The following PCDHA12 variants were observed in gnomAD, a reference collection of about 807,000 sequenced individuals.
The protein encoded by PCDHA12 is protocadherin alpha 12.
In PCDHA12, 44 loss-of-function variants were observed where a neutral mutation model predicts 60.0. That is an observed-to-expected ratio of 0.73 (90% confidence interval 0.58 to 0.94). The LOEUF is 0.94. Ranked by LOEUF, PCDHA12 falls within the 40% of genes least tolerant of loss-of-function variation. The pLI is 0.00. For synonymous variants in PCDHA12, 569 were observed against 553.0 expected (o/e 1.03, Z -0.40); for missense variants, 1,276 against 1,239.7 (o/e 1.03, Z -0.44).
At chr5:140,937,329 G>T (rs1406340473) in intron 1 of PCDHA12, among the ~76,000 whole-genome samples, 1 of 152,050 alleles carries the variant, frequency 6.6e-6, no homozygotes, top group Admixed American at 6.5e-5. Flanking sequence ...GAGCCACCGC[G>T]CCCGGCTTCT....
rs116104145 is a variant in PCDHA12, at chr5:140,901,150, A to G, written c.2367+23311A>G. Among the ~76,000 whole-genome samples, 839 of 152,012 alleles carry G rather than the reference A, an allele frequency of 5.5e-3. 12 individuals carry two copies. Among genetic ancestry groups the G allele is most frequent in the African/African-American group, 0.019 (783 of 41,484 alleles). On this transcript the variant is annotated intron_variant, in intron 1 of 3. Transcript: ENST00000398631. ...GGTAGATTGTAAATATTTTCTCTCA[A>G]TCTGTGGGTTGTCTCTTCACTTTGT...
At chr5:140,900,477 A>G (rs2068076560) in intron 1 of PCDHA12, among the ~76,000 whole-genome samples, 1 of 152,290 alleles carries the variant, frequency 6.6e-6, no homozygotes, top group Non-Finnish European at 1.5e-5. Flanking sequence ...GAGTTTCTCC[A>G]TGTTGGTCAG....
chr5:140,918,895 A>G (rs1319042193), intron 1 of PCDHA12, among the ~76,000 whole-genome samples: 2 of 152,206 alleles, frequency 1.3e-5, no homozygotes, highest in East Asian at 3.9e-4. Flanking sequence ...TGAAAAATAA[A>G]TCTCTCTTGT....
At chr5:140,954,919 C>A (rs246021) in intron 1 of PCDHA12, among the ~76,000 whole-genome samples, 85,722 of 151,952 alleles carry the variant, frequency 0.56, 24,790 homozygotes, top group African/African-American at 0.69. Flanking sequence ...TTATGAATTA[C>A]GTCTTTAATT....
chr5:140,965,259 A>G (rs1257686866), intron 1 of PCDHA12, among the ~76,000 whole-genome samples: 1 of 152,218 alleles, frequency 6.6e-6, no homozygotes, highest in African/African-American at 2.4e-5. Context: ...AGAACTGAGC[A>G]GCAGAGGCAA....
chr5:140,987,462 A>C (rs2097255249), intron 3 of PCDHA12, among the ~76,000 whole-genome samples: 1 of 152,154 alleles, frequency 6.6e-6, no homozygotes, highest in African/African-American at 2.4e-5. Flanking sequence ...AATTGTTAAG[A>C]GCTCAAGCTT....
At chr5:140,941,214 C>CTTTCTTTCTTTCTTTCTTT (rs1554214039) in intron 1 of PCDHA12, among the ~76,000 whole-genome samples, 2,124 of 122,372 alleles carry the variant, frequency 0.017, 57 homozygotes, top group East Asian at 0.032. Flanking sequence ...TTTCTTTCTT[C>CTTTCTTTCTTTCTTTCTTT]CTTTCTTTCT....
intron 1 of PCDHA12, among the ~76,000 whole-genome samples, chr5:140,972,609 A>G (rs1344399252): frequency 1.3e-5 from 2 of 151,526 alleles, no homozygotes; most frequent in Non-Finnish European, 2.9e-5. Flanking sequence ...TCTGAACTTG[A>G]TACTGAATGT....
chr5:140,918,021 A>G (rs2078482403), intron 1 of PCDHA12, among the ~76,000 whole-genome samples: 2 of 152,190 alleles, frequency 1.3e-5, no homozygotes, highest in South Asian at 2.1e-4. Flanking sequence ...CTTCCTACCC[A>G]TGAGCGTGGA....
Position 140,875,636 on chromosome 5 carries a change from A to T in PCDHA12, c.164A>T (p.Glu55Val), listed in dbSNP as rs574545388. Residue 55 changes from glutamate to valine, a missense_variant, in exon 1 of 4, where the codon GAG (glutamate) becomes GTG (valine). Coordinates refer to ENST00000398631, the MANE Select transcript of PCDHA12 (RefSeq NM_018903.4). Reference protein sequence around the residue: ...VGRIAQDLGLELAELVPRLFR... With the variant: ...VGRIAQDLGLVLAELVPRLFR... The stretch of plus-strand genomic sequence containing the variant: ...CGCATCGCTCAGGACCTGGGGCTGG[A>T]GCTGGCGGAGCTGGTGCCGCGCCTG... 6 of 1,613,488 alleles carry T rather than the reference A, an allele frequency of 3.7e-6. No individual in the cohort carries two copies. The Admixed American group carries it at 8.3e-5, about 22-fold the overall frequency.
At chr5:140,879,876 A>G (rs1326051828) in intron 1 of PCDHA12, among the ~76,000 whole-genome samples, 1 of 152,126 alleles carries the variant, frequency 6.6e-6, no homozygotes, top group Non-Finnish European at 1.5e-5. Flanking sequence ...TCATGGTCAC[A>G]TTGCCTCCTC....
chr5:140,973,755 G>A (rs1442337323), intron 1 of PCDHA12, among the ~76,000 whole-genome samples: 1 of 152,234 alleles, frequency 6.6e-6, no homozygotes, highest in Admixed American at 6.5e-5. Flanking sequence ...ACTCTGCAGG[G>A]ACACAGCCTG....
chr5:140,882,124 C>T (rs1166492594), intron 1 of PCDHA12: 2 of 1,459,646 alleles, frequency 1.4e-6, no homozygotes, highest in African/African-American at 1.4e-5. Flanking sequence ...CCGTTTCTTT[C>T]TTCCTGCAGA....
chr5:140,969,307 A>C (rs2096316993), intron 1 of PCDHA12: 1 of 1,614,192 alleles, frequency 6.2e-7, no homozygotes, highest in Non-Finnish European at 8.5e-7. Flanking sequence ...TTATTCTCAA[A>C]AATGAGGCTG....
chr5:140,951,318 G>C (rs2094570791), intron 1 of PCDHA12, among the ~76,000 whole-genome samples: 1 of 152,038 alleles, frequency 6.6e-6, no homozygotes, highest in Non-Finnish European at 1.5e-5. Context: ...TGTTATTCTT[G>C]AGATTCATCA....
intron 3 of PCDHA12, among the ~76,000 whole-genome samples, chr5:141,004,282 G>T (rs1444607316): frequency 3.3e-5 from 5 of 152,190 alleles, no homozygotes; most frequent in African/African-American, 1.2e-4. Context: ...ACATGCTGCT[G>T]AGCTCTCAGA....
At position 140,927,384 on chromosome 5, in the gene PCDHA12, C is replaced by G. The variant is rs2084146194; in HGVS notation, c.2367+49545C>G. On this transcript the variant is annotated intron_variant, in intron 1 of 3. Transcript: ENST00000398631. Reference sequence around the variant, plus strand: ...ATGGGATACTAAGCTACAGCCTAAGCCCCAGTCAGCACTTTCGCCTGGACA... The same window carrying G: ...ATGGGATACTAAGCTACAGCCTAAGGCCCAGTCAGCACTTTCGCCTGGACA... 1 of 1,613,996 alleles carries G rather than the reference C, an allele frequency of 6.2e-7. No individual in the cohort carries two copies. The highest frequency in any genetic ancestry group is 1.7e-5 in the Admixed American group (1 of 60,010).
At chr5:140,994,433 T>G (rs2097622592) in intron 3 of PCDHA12, among the ~76,000 whole-genome samples, 1 of 152,204 alleles carries the variant, frequency 6.6e-6, no homozygotes, top group African/African-American at 2.4e-5. Flanking sequence ...CCGGGCGCAG[T>G]GGCTCACACC....
At chr5:140,904,818 G>A (rs1186696681) in intron 1 of PCDHA12, among the ~76,000 whole-genome samples, 1 of 152,070 alleles carries the variant, frequency 6.6e-6, no homozygotes, top group Non-Finnish European at 1.5e-5. Flanking sequence ...GTGATGTTGA[G>A]CATTTTTTTA....
Sources: allele counts gnomAD v4.1 joint callset (sites outside exome capture counted in the v4.1 genomes callset), GRCh38; gene constraint gnomAD v4.1.1; transcripts MANE v1.5; gene names NCBI Gene and HGNC (gene_info 2026-07-23, HGNC 2026-07-21).